The following MDN1 variants were observed in gnomAD, a reference collection of about 807,000 sequenced individuals.
The protein encoded by MDN1 is midasin AAA ATPase 1.
A neutral mutation model predicts 669.2 loss-of-function variants in MDN1; 266 were observed. The observed-to-expected ratio is 0.40, with a 90% CI of 0.36 to 0.44. The LOEUF is 0.44. Among genes scored for constraint, MDN1 ranks in the 20% least tolerant of loss-of-function variants. The pLI, the probability that MDN1 is intolerant of heterozygous loss-of-function variation, is 1.00. For missense variants in MDN1, 5,940 were observed against 6,754.0 expected, an observed-to-expected ratio of 0.88 and a Z score of 4.22; for synonymous variants, 2,385 against 2,457.1, an observed-to-expected ratio of 0.97 and a Z score of 0.87.
intron 15 of MDN1, among the ~76,000 whole-genome samples, chr6:89,764,132 C>G (rs551499709): frequency 6.6e-6 from 1 of 152,270 alleles, no homozygotes; most frequent in South Asian, 2.1e-4. Context: ...AGAAGGATCA[C>G]TTGAGCACAG....
rs567808653 is a variant in MDN1 at position 89,673,175 on chromosome 6, C to T, written c.13474+61G>A. 1,241 of 1,380,950 alleles carry T rather than the reference C, an allele frequency of 9.0e-4. 9 individuals carry two copies. The highest frequency in any genetic ancestry group is 6.4e-3 in the South Asian group (535 of 84,024). The allele number at this position is 1,380,950 out of a possible 1,614,324, so 85.5% of individuals were successfully genotyped here. A position where few individuals can be genotyped will look rare whatever the true frequency, so the allele number is the denominator to read the frequency against. On this transcript the variant is annotated intron_variant, in intron 80 of 101. Transcript: ENST00000369393. ...TGTGTCTTTTGGACAATGAGACTTA[C>T]ATCTATAAGACATCATTTCTACACT...
At position 89,749,828 on chromosome 6, in the gene MDN1, A is replaced by C. The variant is rs903184422; in HGVS notation, c.3407-77T>G. 41 of 1,152,362 alleles carry C rather than the reference A, an allele frequency of 3.6e-5. No individual in the cohort carries two copies. The African/African-American group carries it at 6.2e-4, about 17-fold the overall frequency. 71.4% of individuals were successfully genotyped at this position (1,152,362 alleles called of 1,614,324 possible). A position where few individuals can be genotyped will look rare whatever the true frequency, so the allele number is the denominator to read the frequency against. ...AAAATGCATTATGTACAAATCAACA[A>C]ATCCTAGGTTATCATCAAATTTCAA... On this transcript the variant is annotated intron_variant, in intron 24 of 101. Coordinates refer to ENST00000369393, the MANE Select transcript of MDN1 (RefSeq NM_014611.3).
At position 89,747,428 on chromosome 6, in the gene MDN1, A is replaced by G. The variant is rs1469273156; in HGVS notation, c.3805T>C (p.Phe1269Leu). The G allele has an allele frequency of 6.2e-7, 1 of 1,614,124 alleles. No individual in the cohort carries two copies. Among genetic ancestry groups the G allele is most frequent in the East Asian group, 2.2e-5 (1 of 44,868 alleles). The change falls in exon 27 of 102, where the codon TTC becomes CTC. Residue 1269 changes from phenylalanine to leucine, a missense_variant. Phe to Leu is a conservative substitution (Grantham distance 22, BLOSUM62 0). Around this residue, in one of 5 missense-constraint regions of MDN1, gnomAD observed 2,292 missense variants for 2,638.3 expected, o/e 0.87. Transcript: ENST00000369393. ...CGGAACAGATCACGAAGGGTGATGA[A>G]GCCCTGCTTTCCAGCAAACACTGAA... ...SSSVFAGKQG[F>L]ITLRDLFRWA...
At position 89,700,227 on chromosome 6, in the gene MDN1, A is replaced by G. The variant is rs1363790466; in HGVS notation, c.8706T>C (p.Phe2902=). The stretch of plus-strand genomic sequence containing the variant: ...AAGCTTCATCATGCTTTTTCTCCAG[A>G]AAACCAAGTGAGAGTCCTTTGGCTT... The part of the protein sequence containing the change: ...ELKAKGLSLG[F]LEKKHDEASS... Residue 2902 remains phenylalanine (F), a synonymous_variant, in exon 57 of 102, where the codon TTT becomes TTC. Coordinates refer to ENST00000369393, the MANE Select transcript of MDN1 (RefSeq NM_014611.3). 2.5e-6 allele frequency: 4 copies of G among 1,614,224 alleles called. No homozygotes were observed. The highest frequency in any genetic ancestry group is 3.4e-6 in the Non-Finnish European group (4 of 1,180,038).
intron 2 of MDN1, 74 bp downstream of exon 2, chr6:89,803,254 A>T: frequency 1.6e-6 from 2 of 1,270,552 alleles, no homozygotes; most frequent in South Asian, 2.4e-5. Context: ...CTCAGCTCAG[A>T]CTCCCTTACA....
intron 7 of MDN1, among the ~76,000 whole-genome samples, chr6:89,788,663 A>G (rs1004344645): frequency 1.3e-5 from 2 of 152,198 alleles, no homozygotes; most frequent in Non-Finnish European, 2.9e-5. Flanking sequence ...GCTGAGAAGA[A>G]AAGAAATAAT....
At chr6:89,692,128 C>T (rs565220720) in intron 63 of MDN1, among the ~76,000 whole-genome samples, 1 of 152,214 alleles carries the variant, frequency 6.6e-6, no homozygotes, top group East Asian at 1.9e-4. Context: ...AATAAGGGAA[C>T]ATCTTAATGC....
intron 2 of MDN1, among the ~76,000 whole-genome samples, chr6:89,796,249 G>A (rs1392910043): frequency 8.1e-5 from 11 of 135,064 alleles, no homozygotes; most frequent in African/African-American, 2.8e-4. Flanking sequence ...ACTTGAGCCC[G>A]AGACACGGAG....
intron 1 of MDN1, among the ~76,000 whole-genome samples, chr6:89,812,393 G>A (rs1158881478): frequency 6.6e-6 from 1 of 151,952 alleles, no homozygotes; most frequent in Non-Finnish European, 1.5e-5. Flanking sequence ...CACCCGGCCA[G>A]GAAAAAATAT....
In MDN1 at chr6:89,685,927, T is replaced by G; in HGVS notation, c.11619A>C (p.Ala3873=). 6.2e-7 allele frequency: 1 copy of G among 1,614,158 alleles called. No individual in the cohort carries two copies. Among genetic ancestry groups the G allele is most frequent in the African/African-American group, 1.3e-5 (1 of 75,046 alleles). ...CTCCCAGCGAGGATCCTTCAATAAA[T>G]GCTTGTAATGTGCTGACCAGCAACA... is the stretch of plus-strand genomic sequence containing the variant. The part of the protein sequence containing the change: ...TLMLLVSTLQ[A]FIEGSSLGEF... Residue 3873 remains alanine, a synonymous_variant, in exon 70 of 102, where the codon GCA becomes GCC. Transcript: ENST00000369393.
At position 89,695,574 on chromosome 6, in the gene MDN1, A is replaced by G; in HGVS notation, c.9771+31T>C. 1 of 1,552,504 alleles carries G rather than the reference A, an allele frequency of 6.4e-7. No individual in the cohort carries two copies. The highest frequency in any genetic ancestry group is 8.7e-7 in the Non-Finnish European group (1 of 1,145,786). ...AGCAAACCCAGCACGTCAGGGAAGG[A>G]GCCCATGCTCCATACTCTTGCCTCC... On this transcript the variant is annotated intron_variant, in intron 61 of 101. Transcript: ENST00000369393. This position sits in a 1 kb window ranked among gnomAD's most constrained non-coding sequence, Gnocchi z 4.1.
chr6:89,766,924 T>TG (rs1346796182), intron 15 of MDN1, among the ~76,000 whole-genome samples: 2 of 152,146 alleles, frequency 1.3e-5, no homozygotes, highest in Non-Finnish European at 2.9e-5. Context: ...TTTCCTCTAT[T>TG]TTTTTTCTTC....
In MDN1 at chr6:89,712,727, T is replaced by G; in HGVS notation, c.7278A>C (p.Gly2426=). 2.5e-6 allele frequency: 4 copies of G among 1,614,138 alleles called. No homozygotes were observed. The highest frequency in any genetic ancestry group is 3.4e-6 in the Non-Finnish European group (4 of 1,180,014). The change falls in exon 48 of 102, where the codon GGA becomes GGC. Residue 2426 remains glycine, a synonymous_variant. Coordinates refer to ENST00000369393, the MANE Select transcript of MDN1 (RefSeq NM_014611.3). ...ACAGTCCCATGCCAAGAATGGAGTC[T>G]CCCCAGGTTTCATGTGCTCGCAAAG... ...VSSLRAHETW[G]DSILGMGLWP... is the part of the protein sequence containing the mutation.
chr6:89,718,224 A>C, intron 43 of MDN1, 142 bp downstream of exon 43: 1 of 944,102 alleles, frequency 1.1e-6, no homozygotes, highest in Non-Finnish European at 1.5e-6. Context: ...GCTTCATTTT[A>C]CTTTCTAGGT....
chr6:89,682,369 C>T (rs1811672513), intron 73 of MDN1, among the ~76,000 whole-genome samples: 1 of 152,174 alleles, frequency 6.6e-6, no homozygotes, highest in South Asian at 2.1e-4. Flanking sequence ...GACTCATGCC[C>T]ATAATCCCAG....
At chr6:89,743,080 T>G (rs920234450) in intron 31 of MDN1, 70 bp downstream of exon 31, 2 of 1,572,292 alleles carry the variant, frequency 1.3e-6, no homozygotes, top group Non-Finnish European at 1.7e-6. Flanking sequence ...GAGAACACTG[T>G]CTCAGGGAGA....
intron 46 of MDN1, among the ~76,000 whole-genome samples, chr6:89,713,866 C>T (rs1234206049): frequency 1.3e-5 from 2 of 151,608 alleles, no homozygotes; most frequent in Non-Finnish European, 2.9e-5. Flanking sequence ...GAAACCCTGT[C>T]TCTACTAAAA....
intron 1 of MDN1, among the ~76,000 whole-genome samples, chr6:89,813,982 T>C (rs1451383759): frequency 6.6e-6 from 1 of 150,630 alleles, no homozygotes; most frequent in Non-Finnish European, 1.5e-5. Context: ...TTCCAGCTAC[T>C]GGAGGGGATG....
chr6:89,743,401 C>A, intron 30 of MDN1, 121 bp from the exon 31 acceptor site: 2 of 1,407,714 alleles, frequency 1.4e-6, no homozygotes, highest in Non-Finnish European at 2.0e-6. Context: ...AATCTGAGAA[C>A]AGGAGATAGA....
Sources: allele counts gnomAD v4.1 joint callset (sites outside exome capture counted in the v4.1 genomes callset), GRCh38; gene constraint gnomAD v4.1.1; regional missense constraint gnomAD v4.1.1; non-coding constraint Gnocchi (gnomAD v3.1); transcripts MANE v1.5; gene names NCBI Gene and HGNC (gene_info 2026-07-23, HGNC 2026-07-21).